Variants in ADCY3 observed in about 807,000 individuals in gnomAD.
The protein encoded by ADCY3 is adenylate cyclase type 3.
ADCY3 carries 70 observed loss-of-function variants against 119.4 expected under a neutral mutation model. That is an observed-to-expected ratio of 0.59 (90% confidence interval 0.48 to 0.72). The LOEUF is 0.72. ADCY3 is among the 30% of genes least tolerant of loss of function. The pLI is 0.00. For synonymous variants in ADCY3, 672 were observed against 621.4 expected, an observed-to-expected ratio of 1.08 and a Z score of -1.21; for missense variants, 1,238 against 1,541.6, an observed-to-expected ratio of 0.80 and a Z score of 3.30.
Position 24,834,838 on chromosome 2 carries a change from G to A in ADCY3, c.1761C>T (p.Asn587=). ...VDASEDEHEL[N]QLLNEALLER... ...CAAGCAGGGCCTCGTTGAGCAGCTG[G>A]TTGAGCTCGTGCTCATCTTCAGAGG... Residue 587 remains asparagine, a synonymous_variant, in exon 10 of 22, where the codon AAC becomes AAT. Coordinates refer to ENST00000679454, the MANE Select transcript of ADCY3 (RefSeq NM_004036.5). This position sits in a 1 kb window ranked among gnomAD's most constrained non-coding sequence, Gnocchi z 4.2. The A allele has an allele frequency of 6.2e-7, 1 of 1,613,964 alleles. No individual in the cohort carries two copies. Among genetic ancestry groups the A allele is most frequent in the Non-Finnish European group, 8.5e-7 (1 of 1,180,020 alleles).
At position 24,820,126 on chromosome 2, in the gene ADCY3, G is replaced by T. The variant is rs1380470542; in HGVS notation, c.3253-12C>A. ...GTTTCTTCTACCACCTGGAGAGGGA[G>T]GGGGAGCAAGAACGTGGCGTTACGG... On this transcript the variant is annotated splice_polypyrimidine_tract_variant and intron_variant, in intron 21 of 21. Transcript: ENST00000679454. 1.3e-6 allele frequency: 2 copies of T among 1,532,996 alleles called. No individual in the cohort carries two copies. The highest frequency in any genetic ancestry group is 2.6e-5 in the South Asian group (2 of 78,346). The allele number at this position is 1,532,996 out of a possible 1,614,324, so 95.0% of individuals were successfully genotyped here. A position where few individuals can be genotyped will look rare whatever the true frequency, so the allele number is the denominator to read the frequency against.
intron 20 of ADCY3, 129 bp from the exon 21 acceptor site, chr2:24,820,977 G>A (rs1466369865): frequency 2.2e-6 from 3 of 1,359,304 alleles, no homozygotes; most frequent in Non-Finnish European, 3.0e-6. Context: ...CATTCAACTT[G>A]GCTGTATGCT....
intron 2 of ADCY3, among the ~76,000 whole-genome samples, chr2:24,893,830 ACTCTTGAG>A (rs1677966289): frequency 6.6e-6 from 1 of 151,720 alleles, no homozygotes; most frequent in African/African-American, 2.4e-5. Flanking sequence ...CTGGTCTTGA[ACTCTTGAG>A]CTCAATCTGT....
intron 21 of ADCY3, 160 bp downstream of exon 21, chr2:24,820,564 G>A (rs780721431): frequency 1.7e-5 from 24 of 1,424,880 alleles, no homozygotes; most frequent in Admixed American, 2.6e-5. Context: ...CTGTGCTGAG[G>A]CTAGCTATTG....
rs1475692272 is a variant in ADCY3 at position 24,887,153 on chromosome 2, C to T, written c.676-14434G>A. Among the ~76,000 whole-genome samples, 5 of 152,268 alleles carry T rather than the reference C, an allele frequency of 3.3e-5. No individual in the cohort carries two copies. The East Asian group carries it at 7.7e-4, about 24-fold the overall frequency. ...CAATCATGGCGAAAGGGTCACAAAA[C>T]ACCTCCTTCACAAAGCAGCAGGAAG... On this transcript the variant is annotated intron_variant, in intron 2 of 21. Transcript: ENST00000679454.
chr2:24,882,830 G>A (rs1010187156), intron 2 of ADCY3, among the ~76,000 whole-genome samples: 1 of 152,182 alleles, frequency 6.6e-6, no homozygotes, highest in African/African-American at 2.4e-5. Flanking sequence ...GCCGAGGCGG[G>A]TGGATCGCCT....
chr2:24,842,504 C>A lies in ADCY3; in HGVS notation c.826-120G>T. 7.6e-7 allele frequency: 1 copy of A among 1,309,108 alleles called. No homozygotes were observed. The highest frequency in any genetic ancestry group is 1.1e-6 in the Non-Finnish European group (1 of 951,250). The allele number at this position is 1,309,108 out of a possible 1,614,324, so 81.1% of individuals were successfully genotyped here. A position where few individuals can be genotyped will look rare whatever the true frequency, so the allele number is the denominator to read the frequency against. On this transcript the variant is annotated intron_variant, in intron 3 of 21. Coordinates refer to ENST00000679454, the MANE Select transcript of ADCY3 (RefSeq NM_004036.5). The surrounding 1 kb of genome is among the most constrained non-coding windows in gnomAD (Gnocchi z 4.9). ...AACGTGAGCAGGGAACCATGCTGCC[C>A]TCCAGAGAGACCTCACAGATCTGCC...
rs1289435269 is a variant in ADCY3, at chr2:24,878,292, C to A, written c.676-5573G>T. Among the ~76,000 whole-genome samples the A allele has an allele frequency of 6.6e-6, 1 of 152,182 alleles. No homozygotes were observed. Among genetic ancestry groups the A allele is most frequent in the African/African-American group, 2.4e-5 (1 of 41,444 alleles). On this transcript the variant is annotated intron_variant, in intron 2 of 21. Coordinates refer to ENST00000679454, the MANE Select transcript of ADCY3 (RefSeq NM_004036.5). This position sits in a 1 kb window ranked among gnomAD's most constrained non-coding sequence, Gnocchi z 4.0. ...ACATTCCTTTACAAAATCCTCCCTC[C>A]TGGAAGTTTACGCATCGCAAGATCC...
intron 3 of ADCY3, among the ~76,000 whole-genome samples, chr2:24,853,005 G>GC (rs1672526364): frequency 1.0e-5 from 1 of 95,320 alleles, no homozygotes; most frequent in Non-Finnish European, 2.0e-5. Context: ...ACAGCTGGAG[G>GC]GTGTGTGTGT....
At chr2:24,829,036 A>G (rs1669046361) in intron 13 of ADCY3, among the ~76,000 whole-genome samples, 1 of 104,746 alleles carries the variant, frequency 9.5e-6, no homozygotes, top group African/African-American at 3.2e-5. Flanking sequence ...TTTTTTTTTG[A>G]GATGGAGTCT....
At chr2:24,837,436 C>T (rs560561706) in intron 8 of ADCY3, among the ~76,000 whole-genome samples, 1 of 152,240 alleles carries the variant, frequency 6.6e-6, no homozygotes, top group East Asian at 1.9e-4. Flanking sequence ...CAGAGACAGC[C>T]TTTAAAATGA....
intron 11 of ADCY3, among the ~76,000 whole-genome samples, chr2:24,832,676 G>A (rs765764868): frequency 9.9e-5 from 15 of 152,080 alleles, no homozygotes; most frequent in Non-Finnish European, 2.1e-4. Context: ...TCTGCATCTG[G>A]ACACGCTGCC....
At chr2:24,833,054 A>G (rs1038796050) in intron 11 of ADCY3, among the ~76,000 whole-genome samples, 3 of 152,150 alleles carry the variant, frequency 2.0e-5, no homozygotes, top group Non-Finnish European at 4.4e-5. Context: ...ATCCTCCTCT[A>G]TCCTCGGCCT....
intron 3 of ADCY3, among the ~76,000 whole-genome samples, chr2:24,862,540 C>T (rs539499534): frequency 1.7e-5 from 2 of 115,324 alleles, no homozygotes; most frequent in Non-Finnish European, 3.3e-5. Flanking sequence ...AGCGAGACTC[C>T]GCCTCAAAAA....
At chr2:24,862,530 A>G (rs528227642) in intron 3 of ADCY3, among the ~76,000 whole-genome samples, 20 of 144,776 alleles carry the variant, frequency 1.4e-4, no homozygotes, top group African/African-American at 5.2e-4. Context: ...TCGGGGACAG[A>G]GCGAGACTCC....
intron 2 of ADCY3, among the ~76,000 whole-genome samples, chr2:24,912,586 CAT>C (rs749022712): frequency 0.36 from 36,988 of 102,068 alleles, 5,268 homozygotes; most frequent in African/African-American, 0.57. Flanking sequence ...TGTGTGTGTG[CAT>C]GTGTGTGTGT....
intron 2 of ADCY3, among the ~76,000 whole-genome samples, chr2:24,908,358 C>T (rs567461631): frequency 1.3e-5 from 2 of 152,148 alleles, no homozygotes; most frequent in African/African-American, 2.4e-5. Context: ...AGACAAATGC[C>T]CTACAGAAAA....
intron 2 of ADCY3, among the ~76,000 whole-genome samples, chr2:24,874,990 T>C (rs1363143104): frequency 6.6e-6 from 1 of 152,184 alleles, no homozygotes; most frequent in Non-Finnish European, 1.5e-5. Flanking sequence ...GAGACAGTTG[T>C]TCTGGTGGGC....
intron 11 of ADCY3, among the ~76,000 whole-genome samples, chr2:24,832,937 A>G (rs1194208043): frequency 4.6e-5 from 7 of 152,310 alleles, no homozygotes; most frequent in Middle Eastern, 6.8e-3. Context: ...GAAGCCCAGG[A>G]GACATCCTCA....
Sources: allele counts gnomAD v4.1 joint callset (sites outside exome capture counted in the v4.1 genomes callset), GRCh38; gene constraint gnomAD v4.1.1; non-coding constraint Gnocchi (gnomAD v3.1); transcripts MANE v1.5; gene names NCBI Gene and HGNC (gene_info 2026-07-23, HGNC 2026-07-21).